NAA11: variants seen among roughly 807,000 people sequenced by gnomAD.
NAA11 encodes the protein N-alpha-acetyltransferase 11.
In NAA11, 15 loss-of-function variants were observed where a neutral mutation model predicts 16.1. The observed-to-expected ratio is 0.93, with a 90% CI of 0.62 to 1.44. NAA11 has a LOEUF of 1.44. Among genes scored for constraint, NAA11 ranks in the 40% most tolerant of loss-of-function variants. The pLI is 0.00. For synonymous variants in NAA11, 122 were observed against 112.4 expected, an observed-to-expected ratio of 1.09 and a Z score of -0.54; for missense variants, 298 against 291.3, an observed-to-expected ratio of 1.02 and a Z score of -0.17.
chr4:79,185,267 T>G, the NAA11 span, among the ~76,000 whole-genome samples: 1 of 152,304 alleles, frequency 6.6e-6, no homozygotes, highest in East Asian at 1.9e-4. Flanking sequence ...AATATTCTAA[T>G]AAAGTCACAA....
intron 2 of NAA11, among the ~76,000 whole-genome samples, chr4:79,246,971 G>C (rs972840143): frequency 9.2e-5 from 14 of 152,226 alleles, no homozygotes; most frequent in Admixed American, 3.3e-4. Context: ...AGAGCAAGAA[G>C]AGTCTCACTG....
the NAA11 span, among the ~76,000 whole-genome samples, chr4:79,178,102 A>G: frequency 2.0e-5 from 3 of 152,150 alleles, no homozygotes; most frequent in Non-Finnish European, 4.4e-5. Flanking sequence ...AAATATTTGC[A>G]CTTAACTTTC....
intron 2 of NAA11, among the ~76,000 whole-genome samples, chr4:79,231,515 A>C (rs917538008): frequency 3.3e-5 from 5 of 151,914 alleles, no homozygotes; most frequent in Admixed American, 2.6e-4. Flanking sequence ...AGCCTTTTCC[A>C]AAAAGGTATT....
chr4:79,183,971 C>T, the NAA11 span, among the ~76,000 whole-genome samples: 4 of 150,670 alleles, frequency 2.7e-5, no homozygotes, highest in African/African-American at 9.9e-5. Context: ...TTGACAACAA[C>T]ATTTACTTGG....
At chr4:79,213,526 C>G in the NAA11 span, among the ~76,000 whole-genome samples, 2 of 150,816 alleles carry the variant, frequency 1.3e-5, no homozygotes, top group Non-Finnish European at 3.0e-5. Context: ...GAATAGGAAG[C>G]TTTTGTTTTA....
chr4:79,192,760 G>T, the NAA11 span, among the ~76,000 whole-genome samples: 1 of 150,270 alleles, frequency 6.7e-6, no homozygotes, highest in African/African-American at 2.4e-5. Context: ...GGATGGCTGG[G>T]TCAAATGGTA....
intron 2 of NAA11, among the ~76,000 whole-genome samples, chr4:79,247,111 A>G (rs1431596039): frequency 6.6e-6 from 1 of 152,220 alleles, no homozygotes; most frequent in Non-Finnish European, 1.5e-5. Context: ...TCAGAGGTGC[A>G]TATGGCTTAG....
chr4:79,290,304 A>G (rs758451027), intron 2 of NAA11, among the ~76,000 whole-genome samples: 1 of 152,190 alleles, frequency 6.6e-6, no homozygotes, highest in Non-Finnish European at 1.5e-5. Flanking sequence ...AATGGAACTC[A>G]GAACAGAAAA....
intron 1 of NAA11, among the ~76,000 whole-genome samples, chr4:79,295,348 C>T (rs1723185053): frequency 6.6e-6 from 1 of 152,146 alleles, no homozygotes; most frequent in African/African-American, 2.4e-5. Context: ...TATTTAACTC[C>T]ATCTTGCTCA....
chr4:79,268,544 A>G (rs1722402229), intron 2 of NAA11, among the ~76,000 whole-genome samples: 1 of 152,108 alleles, frequency 6.6e-6, no homozygotes, highest in Non-Finnish European at 1.5e-5. Flanking sequence ...AACACAAGTA[A>G]TTTTGCAATT....
chr4:79,157,547 A>G, the NAA11 span, among the ~76,000 whole-genome samples: 3 of 151,830 alleles, frequency 2.0e-5, no homozygotes, highest in Non-Finnish European at 4.4e-5. Flanking sequence ...ATATATACAC[A>G]TGTACACATA....
At chr4:79,310,556 TA>T (rs1325101371) in intron 1 of NAA11, among the ~76,000 whole-genome samples, 1 of 152,196 alleles carries the variant, frequency 6.6e-6, no homozygotes, top group Non-Finnish European at 1.5e-5. Flanking sequence ...CTTAGCACCT[TA>T]ATTCCCGCAC....
chr4:79,202,777 A>T, the NAA11 span, among the ~76,000 whole-genome samples: 1 of 150,180 alleles, frequency 6.7e-6, no homozygotes, highest in Non-Finnish European at 1.5e-5. Context: ...CACTTAAAAC[A>T]GTTGAAAGCT....
At chr4:79,202,623 T>TTTATATATATATATATATATATATA in the NAA11 span, among the ~76,000 whole-genome samples, 1 of 52,622 alleles carries the variant, frequency 1.9e-5, no homozygotes, top group Non-Finnish European at 4.5e-5. Context: ...ATATATAGTT[T>TTTATATATATATATATATATATATA]TATATATATA....
the NAA11 span, among the ~76,000 whole-genome samples, chr4:79,161,645 T>G: frequency 1.3e-5 from 2 of 151,992 alleles, no homozygotes; most frequent in East Asian, 3.9e-4. Flanking sequence ...AGTCTCCTAA[T>G]CCATGTATGT....
At chr4:79,196,972 A>G in the NAA11 span, among the ~76,000 whole-genome samples, 3 of 147,314 alleles carry the variant, frequency 2.0e-5, no homozygotes, top group African/African-American at 7.8e-5. Flanking sequence ...AAAAAAAAAA[A>G]AAAAAAAAAA....
intron 2 of NAA11, among the ~76,000 whole-genome samples, chr4:79,293,028 T>C (rs1260168966): frequency 1.3e-5 from 2 of 152,168 alleles, no homozygotes; most frequent in Non-Finnish European, 2.9e-5. Context: ...TTGTCTATAT[T>C]GATGAAATAA....
downstream of NAA11, among the ~76,000 whole-genome samples, chr4:79,221,034 T>C (rs1263671785): frequency 2.6e-5 from 4 of 151,766 alleles, no homozygotes; most frequent in African/African-American, 9.7e-5. Flanking sequence ...TTTGTTTGTA[T>C]CCTCTTTTAT....
intron 2 of NAA11, among the ~76,000 whole-genome samples, chr4:79,267,720 G>A (rs1722384765): frequency 6.6e-6 from 1 of 152,124 alleles, no homozygotes; most frequent in Non-Finnish European, 1.5e-5. Context: ...GACACCACAG[G>A]TAGAGTTTAT....
Sources: allele counts gnomAD v4.1 joint callset (sites outside exome capture counted in the v4.1 genomes callset), GRCh38; gene constraint gnomAD v4.1.1; transcripts MANE v1.5; gene names NCBI Gene and HGNC (gene_info 2026-07-23, HGNC 2026-07-21).